The following THSD4 variants were observed in gnomAD, a reference collection of about 807,000 sequenced individuals.
THSD4 encodes the protein thrombospondin type-1 domain-containing protein 4.
In THSD4, 69 loss-of-function variants were observed where a neutral mutation model predicts 119.0. That is an observed-to-expected ratio of 0.58 (90% confidence interval 0.48 to 0.71). THSD4 has a LOEUF of 0.71. Ranked by LOEUF, THSD4 falls within the 30% of genes least tolerant of loss-of-function variation. The probability of loss-of-function intolerance (pLI) is 0.00; values close to 1 mark genes in which losing one functional copy is unlikely to be tolerated. For missense variants in THSD4, 1,393 were observed against 1,391.1 expected (o/e 1.00, Z -0.02); for synonymous variants, 524 against 540.4 (o/e 0.97, Z 0.42).
At chr15:71,311,751 A>G (rs561521093) in intron 6 of THSD4, among the ~76,000 whole-genome samples, 1 of 152,332 alleles carries the variant, frequency 6.6e-6, no homozygotes, top group East Asian at 1.9e-4. Flanking sequence ...CTCAAGCCAA[A>G]TGCTTGGGAG....
intron 6 of THSD4, among the ~76,000 whole-genome samples, chr15:71,298,600 T>C (rs1047484498): frequency 3.4e-5 from 5 of 147,644 alleles, no homozygotes; most frequent in Non-Finnish European, 5.9e-5. Flanking sequence ...CCCCTGGATA[T>C]GTGCTGACTT....
intron 5 of THSD4, among the ~76,000 whole-genome samples, chr15:71,249,442 A>T (rs2044238154): frequency 2.6e-5 from 4 of 151,390 alleles, no homozygotes; most frequent in Non-Finnish European, 5.9e-5. Flanking sequence ...ACACATTTAT[A>T]TACACAAGAA....
Position 71,411,774 on chromosome 15 carries a change from C to A in THSD4, c.1103C>A (p.Thr368Asn). 6.2e-7 allele frequency: 1 copy of A among 1,614,080 alleles called. No individual in the cohort carries two copies. The highest frequency in any genetic ancestry group is 8.5e-7 in the Non-Finnish European group (1 of 1,179,992). ...CAAGCTGAGAAAGTCATCGATGGCA[C>A]CCCCTGTGACCAGAACGGCACGGCC... is the stretch of plus-strand genomic sequence containing the variant. Reference protein sequence around the residue: ...VRQAEKVIDGTPCDQNGTAIC... With the variant: ...VRQAEKVIDGNPCDQNGTAIC... The change falls in exon 7 of 18, where the codon ACC becomes AAC. Residue 368 changes from threonine to asparagine, a missense_variant. By Grantham distance (65) the Thr-to-Asn change is moderately conservative (BLOSUM62 0). Coordinates refer to ENST00000261862, the MANE Select transcript of THSD4 (RefSeq NM_024817.3).
intron 14 of THSD4, among the ~76,000 whole-genome samples, chr15:71,754,054 A>G (rs2053494555): frequency 6.6e-6 from 1 of 151,368 alleles, no homozygotes; most frequent in Non-Finnish European, 1.5e-5. Context: ...CATGAAGATA[A>G]CTGAAATTCT....
intron 7 of THSD4, among the ~76,000 whole-genome samples, chr15:71,476,792 C>T (rs1313551276): frequency 6.6e-6 from 1 of 152,174 alleles, no homozygotes; most frequent in African/African-American, 2.4e-5. Flanking sequence ...AGGTCTCTCT[C>T]CCCATCTCTA....
At chr15:71,254,447 G>C (rs903135476) in intron 5 of THSD4, among the ~76,000 whole-genome samples, 15 of 152,204 alleles carry the variant, frequency 9.9e-5, no homozygotes, top group African/African-American at 3.6e-4. Flanking sequence ...GCCCTTCATC[G>C]CTGCTGCACA....
intron 7 of THSD4, among the ~76,000 whole-genome samples, chr15:71,436,427 G>C (rs1367991034): frequency 6.6e-6 from 1 of 152,154 alleles, no homozygotes; most frequent in Non-Finnish European, 1.5e-5. Flanking sequence ...TCTTAAATTT[G>C]GAAAGGAAAA....
chr15:71,508,679 G>A (rs970436573), intron 7 of THSD4, among the ~76,000 whole-genome samples: 1 of 152,166 alleles, frequency 6.6e-6, no homozygotes, highest in African/African-American at 2.4e-5. Context: ...AGAGAAGTGA[G>A]ATACATTTTC....
intron 3 of THSD4, among the ~76,000 whole-genome samples, chr15:71,173,831 GAATA>G (rs2043410083): frequency 6.6e-6 from 1 of 152,038 alleles, no homozygotes; most frequent in African/African-American, 2.4e-5. Context: ...CAATGGAATA[GAATA>G]GAGAGCCCAG....
chr15:71,178,186 G>T lies in THSD4; in HGVS notation c.99+23254G>T, dbSNP rs1482046335. Among the ~76,000 whole-genome samples, 107 of 18,314 alleles carry T rather than the reference G, an allele frequency of 5.8e-3. 1 individual carries two copies. The highest frequency in any genetic ancestry group is 0.018 in the African/African-American group (96 of 5,302). The allele number at this position is 18,314 out of a possible 152,430, so 12.0% of individuals were successfully genotyped here. ...AATAAAGGGTATTCAATTAGGAAAAGAGGAAGTCAAATTGTCCCTGTTTGC... is the reference window on the plus strand; with the variant it reads ...AATAAAGGGTATTCAATTAGGAAAATAGGAAGTCAAATTGTCCCTGTTTGC... On this transcript the variant is annotated intron_variant, in intron 3 of 17. Transcript: ENST00000261862.
At chr15:71,579,372 G>C (rs189148815) in intron 7 of THSD4, among the ~76,000 whole-genome samples, 2 of 152,302 alleles carry the variant, frequency 1.3e-5, no homozygotes, top group Non-Finnish European at 2.9e-5. Flanking sequence ...CCTCACGCCT[G>C]TTCTCATGAT....
intron 6 of THSD4, among the ~76,000 whole-genome samples, chr15:71,310,986 G>A (rs908799408): frequency 1.3e-5 from 2 of 152,192 alleles, no homozygotes; most frequent in South Asian, 4.1e-4. Context: ...CTCAGATTTA[G>A]TTCAGTGTTA....
chr15:71,264,762 AG>A (rs937636548), intron 6 of THSD4, among the ~76,000 whole-genome samples: 11 of 152,264 alleles, frequency 7.2e-5, no homozygotes, highest in African/African-American at 2.6e-4. Flanking sequence ...CAGCCATTAA[AG>A]GACACTGAGA....
At chr15:71,561,863 AACACAC>A (rs71154780) in intron 7 of THSD4, among the ~76,000 whole-genome samples, 3,780 of 130,234 alleles carry the variant, frequency 0.029, 69 homozygotes, top group African/African-American at 0.04. Context: ...TTTTAAAATA[AACACAC>A]ACACACACAC....
At chr15:71,270,728 G>C (rs1201147788) in intron 6 of THSD4, among the ~76,000 whole-genome samples, 1 of 152,098 alleles carries the variant, frequency 6.6e-6, no homozygotes, top group Non-Finnish European at 1.5e-5. Context: ...CAACACTGCT[G>C]AACATCAGAA....
At chr15:71,539,101 T>C (rs1431078557) in intron 7 of THSD4, among the ~76,000 whole-genome samples, 1 of 152,228 alleles carries the variant, frequency 6.6e-6, no homozygotes, top group Non-Finnish European at 1.5e-5. Context: ...TTGTTGTAGA[T>C]TCTCATGATT....
intron 7 of THSD4, among the ~76,000 whole-genome samples, chr15:71,529,250 A>C (rs2048574944): frequency 6.6e-6 from 1 of 152,204 alleles, no homozygotes; most frequent in Admixed American, 6.5e-5. Context: ...TAAGCTCTTC[A>C]TGTTAAGCCA....
chr15:71,332,891 C>CTTTTT (rs1184457820), intron 6 of THSD4, among the ~76,000 whole-genome samples: 4 of 38,036 alleles, frequency 1.1e-4, no homozygotes, highest in African/African-American at 2.2e-4. Context: ...GATTTTTTTA[C>CTTTTT]ATTTTTTTTT....
At chr15:71,189,912 C>T (rs2141438179) in intron 3 of THSD4, among the ~76,000 whole-genome samples, 1 of 152,280 alleles carries the variant, frequency 6.6e-6, no homozygotes, top group Non-Finnish European at 1.5e-5. Context: ...GAGGAGGATA[C>T]TCAGAACTGC....
Sources: gnomAD v4.1 joint callset for allele counts (sites outside exome capture counted in the v4.1 genomes callset) on GRCh38, gnomAD v4.1.1 for gene constraint, MANE v1.5 for transcripts, NCBI Gene and HGNC (gene_info 2026-07-23, HGNC 2026-07-21) for gene names.